Variants in GSTO2 observed in about 807,000 individuals in gnomAD.
The protein encoded by GSTO2 is glutathione S-transferase omega 2.
A neutral mutation model predicts 28.4 loss-of-function variants in GSTO2; 23 were observed. That is an observed-to-expected ratio of 0.81 (90% confidence interval 0.58 to 1.15). The LOEUF is 1.15. Ranked by LOEUF, GSTO2 falls within the 50% of genes most tolerant of loss-of-function variation. The probability of loss-of-function intolerance (pLI) is 0.00; values close to 1 mark genes in which losing one functional copy is unlikely to be tolerated. For synonymous variants in GSTO2, 109 were observed against 111.0 expected, an observed-to-expected ratio of 0.98 and a Z score of 0.11; for missense variants, 298 against 297.8, an observed-to-expected ratio of 1.00 and a Z score of 0.00.
chr10:104,298,177 A>G (rs1436669863), intron 6 of GSTO2, among the ~76,000 whole-genome samples: 3 of 152,256 alleles, frequency 2.0e-5, no homozygotes, highest in Non-Finnish European at 4.4e-5. Flanking sequence ...GTGACACACT[A>G]TGGAAGTATG....
intron 5 of GSTO2, chr10:104,295,808 G>C (rs949403039): frequency 6.6e-6 from 1 of 152,276 alleles, no homozygotes; most frequent in Non-Finnish European, 1.5e-5. Context: ...GCAAGCCTGG[G>C]TGTCTCCTGG....
At chr10:104,283,693 G>A (rs555717581) in intron 5 of GSTO2, among the ~76,000 whole-genome samples, 3 of 152,274 alleles carry the variant, frequency 2.0e-5, no homozygotes, top group African/African-American at 4.8e-5. Context: ...CATGACCAAT[G>A]TACTTGAATT....
intron 5 of GSTO2, among the ~76,000 whole-genome samples, chr10:104,289,188 T>C (rs571009574): frequency 6.6e-6 from 1 of 152,296 alleles, no homozygotes; most frequent in East Asian, 1.9e-4. Flanking sequence ...AGCCTCGACC[T>C]CTCAGGCTCA....
chr10:104,269,872 G>A (rs2011302107), intron 1 of GSTO2, among the ~76,000 whole-genome samples: 1 of 152,146 alleles, frequency 6.6e-6, no homozygotes, highest in Non-Finnish European at 1.5e-5. Context: ...GTTGTCATTT[G>A]CCCAAGGTCA....
chr10:104,282,553 CA>C (rs10715615), intron 5 of GSTO2, among the ~76,000 whole-genome samples: 7,769 of 102,658 alleles, frequency 0.076, 307 homozygotes, highest in African/African-American at 0.16. Flanking sequence ...AACCCTATCT[CA>C]AAAAAAAAAA....
Position 104,275,229 on chromosome 10 carries a change from G to A in GSTO2, c.38G>A (p.Ser13Asn), listed in dbSNP as rs753968945. The A allele has an allele frequency of 1.2e-6, 2 of 1,612,806 alleles. No individual in the cohort carries two copies. The highest frequency in any genetic ancestry group is 1.7e-6 in the Non-Finnish European group (2 of 1,179,372). Residue 13 changes from serine (S) to asparagine (N), a missense_variant, in exon 3 of 7, where the codon AGC (serine) becomes AAC (asparagine). Coordinates refer to ENST00000338595, the MANE Select transcript of GSTO2 (RefSeq NM_183239.2). ...CCCCTCCATCGCTGCTCTGCAGGAA[G>A]CCAGCCCCCAGGGCCAGTCCCGGAG... ...GDATRTLGKG[S>N]QPPGPVPEGL...
At chr10:104,283,119 G>A (rs1314816068) in intron 5 of GSTO2, among the ~76,000 whole-genome samples, 1 of 152,156 alleles carries the variant, frequency 6.6e-6, no homozygotes, top group Non-Finnish European at 1.5e-5. Flanking sequence ...AAAAGATGTG[G>A]GCAGCTCCAG....
rs908065530 is a variant in GSTO2 at position 104,304,427 on chromosome 10, G to C, written c.*5143G>C. 2.0e-5 allele frequency: 3 copies of C among 152,064 alleles called. No individual in the cohort carries two copies. Among genetic ancestry groups the C allele is most frequent in the Admixed American group, 6.5e-5 (1 of 15,278 alleles). 9.4% of individuals were successfully genotyped at this position (152,064 alleles called of 1,614,324 possible). A position where few individuals can be genotyped will look rare whatever the true frequency, so the allele number is the denominator to read the frequency against. ...TCTTCTTTATGTAAAGAGAAGTGGC[G>C]TGCCATAGGGGTTACAAACAGGGCT... On this transcript the variant is annotated 3_prime_UTR_variant, in exon 7 of 7. Transcript: ENST00000338595.
rs1348960695 is a variant in GSTO2 at position 104,299,320 on chromosome 10, C to T, written c.*36C>T. On this transcript the variant is annotated 3_prime_UTR_variant, in exon 7 of 7. Coordinates refer to ENST00000338595, the MANE Select transcript of GSTO2 (RefSeq NM_183239.2). ...CCACCCCTTCGCTGTCCAGAATTCC[C>T]CAGCTTGTTGGGAGTCTACGTCACG... 4.3e-6 allele frequency: 7 copies of T among 1,612,014 alleles called. No homozygotes were observed. The Admixed American group carries it at 5.0e-5, about 12-fold the overall frequency.
At chr10:104,278,193 C>T (rs1218204242) in intron 4 of GSTO2, 77 bp downstream of exon 4, 90 of 1,084,424 alleles carry the variant, frequency 8.3e-5, no homozygotes, top group Non-Finnish European at 1.2e-4. Flanking sequence ...CATTTTAAAG[C>T]CAAATCATTG....
At position 104,299,032 on chromosome 10, in the gene GSTO2, T is replaced by C. The variant is rs190929674; in HGVS notation, c.576-96T>C. ...AACTAAGATAACTTCCCAAATAAAC[T>C]CATTCTTCATATCTTGCAAATCTAA... On this transcript the variant is annotated intron_variant, in intron 6 of 6. Transcript: ENST00000338595. 9.6e-4 allele frequency: 1,097 copies of C among 1,137,340 alleles called. 9 individuals are homozygous for C. In the African/African-American group the frequency reaches 0.016, roughly 17 times the overall value. The allele number at this position is 1,137,340 out of a possible 1,614,324, so 70.5% of individuals were successfully genotyped here.
chr10:104,280,638 C>T (rs1290499741), intron 5 of GSTO2, among the ~76,000 whole-genome samples: 1 of 152,144 alleles, frequency 6.6e-6, no homozygotes, highest in Admixed American at 6.5e-5. Context: ...ATTAACCTGG[C>T]AGTAATGGAG....
At chr10:104,286,965 T>C (rs1268820345) in intron 5 of GSTO2, among the ~76,000 whole-genome samples, 1 of 152,144 alleles carries the variant, frequency 6.6e-6, no homozygotes, top group Non-Finnish European at 1.5e-5. Context: ...CTTGGGGACT[T>C]TTTTGTTTTT....
rs768279768 is a variant in GSTO2 at position 104,272,587 on chromosome 10, C to CTTT, written c.-231-2056_-231-2054dup. On this transcript the variant is annotated intron_variant, in intron 1 of 6. Transcript: ENST00000338595. Reference sequence around the variant, plus strand: ...GAATCAAAATAGAACAGTTATGGGACTTTTTTTTTTTTTTTTTTTTTTTTT... The same window carrying CTTT: ...GAATCAAAATAGAACAGTTATGGGACTTTTTTTTTTTTTTTTTTTTTTTTTTTT... Among the ~76,000 whole-genome samples, 120 of 49,294 alleles carry CTTT rather than the reference C, an allele frequency of 2.4e-3. 24 individuals are homozygous for CTTT. Among genetic ancestry groups the CTTT allele is most frequent in the East Asian group, 4.4e-3 (5 of 1,124 alleles). The allele number at this position is 49,294 out of a possible 152,430, so 32.3% of individuals were successfully genotyped here.
At chr10:104,272,011 G>C (rs1266198831) in intron 1 of GSTO2, among the ~76,000 whole-genome samples, 2 of 152,198 alleles carry the variant, frequency 1.3e-5, no homozygotes, top group African/African-American at 4.8e-5. Context: ...AACGTGATAT[G>C]TGAAAATTAT....
rs2012876280 is a variant in GSTO2 at position 104,293,562 on chromosome 10, A to ATTTTTTTT, written c.469-4016_469-4015insTTTTTTTT. ...CAGGCATGAGCCACTGCGCCTGGCC[A>ATTTTTTTT]ATTTTTTTTTTTTTTTTTTTTTTGC... On this transcript the variant is annotated intron_variant, in intron 5 of 6. Transcript: ENST00000338595. Among the ~76,000 whole-genome samples, 2 of 78,842 alleles carry ATTTTTTTT rather than the reference A, an allele frequency of 2.5e-5. 1 individual carries two copies. The highest frequency in any genetic ancestry group is 1.5e-4 in the African/African-American group (2 of 13,508). The allele number at this position is 78,842 out of a possible 152,430, so 51.7% of individuals were successfully genotyped here. A position where few individuals can be genotyped will look rare whatever the true frequency, so the allele number is the denominator to read the frequency against.
chr10:104,299,299 C>T lies in GSTO2; in HGVS notation c.*15C>T, dbSNP rs759500429. ...GGCTGTGCTGAGTCTCACTGTCCAC[C>T]CCTTCGCTGTCCAGAATTCCCCAGC... On this transcript the variant is annotated 3_prime_UTR_variant, in exon 7 of 7. Coordinates refer to ENST00000338595, the MANE Select transcript of GSTO2 (RefSeq NM_183239.2). The T allele has an allele frequency of 5.0e-6, 8 of 1,613,392 alleles. No individual in the cohort carries two copies. Among genetic ancestry groups the T allele is most frequent in the African/African-American group, 1.3e-5 (1 of 74,880 alleles).
chr10:104,277,922 A>G lies in GSTO2; in HGVS notation c.172A>G (p.Asn58Asp), dbSNP rs140989316. 6.8e-6 allele frequency: 11 copies of G among 1,614,020 alleles called. No homozygotes were observed. Among genetic ancestry groups the G allele is most frequent in the Non-Finnish European group, 9.3e-6 (11 of 1,179,912 alleles). ...RHEVVNINLR[N>D]KPEWYYTKHP... ...TGAAGTGGTCAACATTAACCTGAGAAACAAGCCTGAATGGTACTATACAAA... is the reference window on the plus strand; with the variant it reads ...TGAAGTGGTCAACATTAACCTGAGAGACAAGCCTGAATGGTACTATACAAA... Residue 58 changes from asparagine (N) to aspartate (D), a missense_variant, in exon 4 of 7, where the codon AAC (asparagine) becomes GAC (aspartate). Physicochemically the swap from Asn to Asp is conservative, Grantham distance 23 (BLOSUM62 1). Transcript: ENST00000338595.
In GSTO2 at chr10:104,279,375, A is replaced by G. The variant is rs766328280; in HGVS notation, c.372A>G (p.Pro124=). The G allele has an allele frequency of 1.9e-6, 3 of 1,613,190 alleles. No individual in the cohort carries two copies. The Admixed American group carries it at 5.0e-5, about 27-fold the overall frequency. Residue 124 remains proline, a synonymous_variant, in exon 5 of 7, where the codon CCA becomes CCG. Coordinates refer to ENST00000338595, the MANE Select transcript of GSTO2 (RefSeq NM_183239.2). ...AACCTGTGTCCTCTGATTAGGTCCC[A>G]CATTTGACCAAGGAGTGCCTGGTAG... ...KMLLELFCKV[P]HLTKECLVAL... is the part of the protein sequence containing the mutation.
Sources: gnomAD v4.1 joint callset for allele counts (sites outside exome capture counted in the v4.1 genomes callset) on GRCh38, gnomAD v4.1.1 for gene constraint, MANE v1.5 for transcripts, NCBI Gene and HGNC (gene_info 2026-07-23, HGNC 2026-07-21) for gene names.